The following RNF121 variants were observed in gnomAD, a reference collection of about 807,000 sequenced individuals.
RNF121 encodes the protein E3 ubiquitin ligase RNF121.
Under a neutral mutation model 46.5 loss-of-function variants are expected in RNF121, and 21 were observed. That is an observed-to-expected ratio of 0.45 (90% CI 0.32 to 0.65). RNF121 has a LOEUF of 0.65. Ranked by LOEUF, RNF121 falls within the 30% of genes least tolerant of loss-of-function variation. The pLI is 0.04. For missense variants in RNF121, 346 were observed against 416.0 expected, an observed-to-expected ratio of 0.83 and a Z score of 1.46; for synonymous variants, 139 against 144.7, an observed-to-expected ratio of 0.96 and a Z score of 0.28.
intron 3 of RNF121, among the ~76,000 whole-genome samples, chr11:71,965,759 AACTTGCC>A (rs1355464836): frequency 6.6e-6 from 1 of 152,160 alleles, no homozygotes; most frequent in Non-Finnish European, 1.5e-5. Context: ...TTATTAGTGG[AACTTGCC>A]AAATTGCCCT....
chr11:71,935,844 TTC>T, intron 1 of RNF121, among the ~76,000 whole-genome samples: 1 of 149,870 alleles, frequency 6.7e-6, no homozygotes. Flanking sequence ...AATATTCTTT[TTC>T]TTTTTTTTTT....
At chr11:71,966,308 C>T (rs1650168557) in intron 3 of RNF121, among the ~76,000 whole-genome samples, 1 of 152,100 alleles carries the variant, frequency 6.6e-6, no homozygotes, top group Non-Finnish European at 1.5e-5. Context: ...TGTGAGCCGC[C>T]GTGCCTGGCC....
intron 1 of RNF121, among the ~76,000 whole-genome samples, chr11:71,930,595 A>G (rs1051621528): frequency 6.6e-6 from 1 of 152,170 alleles, no homozygotes; most frequent in Non-Finnish European, 1.5e-5. Flanking sequence ...GTGGTTGTGG[A>G]AATGACCTCC....
At chr11:71,988,852 T>G (rs1391689760) in intron 5 of RNF121, among the ~76,000 whole-genome samples, 1 of 151,844 alleles carries the variant, frequency 6.6e-6, no homozygotes, top group Non-Finnish European at 1.5e-5. Flanking sequence ...AAATCCTATT[T>G]TATATAGTGA....
intron 3 of RNF121, among the ~76,000 whole-genome samples, chr11:71,975,761 C>G (rs1954514302): frequency 6.6e-6 from 1 of 152,140 alleles, no homozygotes; most frequent in African/African-American, 2.4e-5. Context: ...AGACATAGTT[C>G]TAGGTATTAG....
At chr11:71,932,530 C>G (rs139071623) in intron 1 of RNF121, among the ~76,000 whole-genome samples, 174 of 152,266 alleles carry the variant, frequency 1.1e-3, no homozygotes, top group Non-Finnish European at 1.5e-3. Flanking sequence ...AAAATTGATA[C>G]CGTATATTTG....
At chr11:71,969,671 T>G (rs1954376511) in intron 3 of RNF121, among the ~76,000 whole-genome samples, 1 of 152,162 alleles carries the variant, frequency 6.6e-6, no homozygotes, top group East Asian at 1.9e-4. Flanking sequence ...CTGTTGATCC[T>G]CCCACCTCAG....
chr11:71,988,579 G>T (rs1489215416), intron 5 of RNF121, among the ~76,000 whole-genome samples: 2 of 151,678 alleles, frequency 1.3e-5, no homozygotes, highest in Non-Finnish European at 2.9e-5. Flanking sequence ...TGAGGCAGGA[G>T]GACTGCTTGA....
intron 6 of RNF121, among the ~76,000 whole-genome samples, chr11:71,993,986 G>GC (rs1463677538): frequency 6.6e-6 from 1 of 151,510 alleles, no homozygotes; most frequent in Non-Finnish European, 1.5e-5. Flanking sequence ...GACTACAGGC[G>GC]CCCCCCACCA....
At chr11:71,957,555 C>G (rs1051001959) in intron 2 of RNF121, among the ~76,000 whole-genome samples, 1 of 152,144 alleles carries the variant, frequency 6.6e-6, no homozygotes, top group Non-Finnish European at 1.5e-5. Flanking sequence ...TACTTTGCCC[C>G]ATTTGTAAAA....
intron 3 of RNF121, among the ~76,000 whole-genome samples, chr11:71,968,058 T>A (rs2134186572): frequency 8.6e-6 from 1 of 115,700 alleles, no homozygotes; most frequent in African/African-American, 3.2e-5. Flanking sequence ...AGATTAGATT[T>A]ATGAACGATC....
At chr11:71,962,696 TAAGAA>T (rs1341049846) in intron 3 of RNF121, among the ~76,000 whole-genome samples, 2 of 152,144 alleles carry the variant, frequency 1.3e-5, no homozygotes, top group African/African-American at 2.4e-5. Flanking sequence ...CTTTAGAAAA[TAAGAA>T]AAGAAATCTA....
At chr11:71,951,979 CAA>C (rs1221741945) in intron 1 of RNF121, among the ~76,000 whole-genome samples, 4 of 152,072 alleles carry the variant, frequency 2.6e-5, no homozygotes, top group East Asian at 1.9e-4. Flanking sequence ...GGTATACACT[CAA>C]GAGAAATGAA....
At chr11:71,967,617 T>G (rs1375584877) in intron 3 of RNF121, among the ~76,000 whole-genome samples, 1 of 152,126 alleles carries the variant, frequency 6.6e-6, no homozygotes, top group Non-Finnish European at 1.5e-5. Context: ...AGTACGTGGT[T>G]TCACCATGTT....
intron 1 of RNF121, among the ~76,000 whole-genome samples, chr11:71,936,584 C>T (rs534665251): frequency 8.7e-4 from 133 of 152,130 alleles, no homozygotes; most frequent in African/African-American, 2.9e-3. Flanking sequence ...TTAGTAGAGA[C>T]GGGGTTTCAC....
At chr11:71,962,126 C>T (rs1188624466) in intron 3 of RNF121, 1 of 153,916 alleles carries the variant, frequency 6.5e-6, no homozygotes, top group African/African-American at 2.4e-5. Flanking sequence ...CACCATCACG[C>T]CTGACTAATT....
intron 3 of RNF121, among the ~76,000 whole-genome samples, chr11:71,965,184 A>C (rs1256515447): frequency 6.6e-6 from 1 of 152,120 alleles, no homozygotes; most frequent in Non-Finnish European, 1.5e-5. Flanking sequence ...TTTTTCACCT[A>C]ATACTATCTC....
intron 3 of RNF121, among the ~76,000 whole-genome samples, chr11:71,972,758 A>G (rs1203266835): frequency 1.3e-5 from 2 of 152,036 alleles, no homozygotes; most frequent in East Asian, 3.9e-4. Flanking sequence ...ACACTGTCCT[A>G]GGCTCTAGGA....
intron 1 of RNF121, among the ~76,000 whole-genome samples, chr11:71,955,137 T>C (rs1953962882): frequency 6.6e-6 from 1 of 152,174 alleles, no homozygotes; most frequent in Admixed American, 6.5e-5. Context: ...CCATTCACTC[T>C]TAAGGTCCTG....
Sources: allele counts gnomAD v4.1 joint callset (sites outside exome capture counted in the v4.1 genomes callset), GRCh38; gene constraint gnomAD v4.1.1; transcripts MANE v1.5; gene names NCBI Gene and HGNC (gene_info 2026-07-23, HGNC 2026-07-21).